The following POLR1A variants were observed in gnomAD, a reference collection of about 807,000 sequenced individuals.
POLR1A encodes the protein RNA polymerase I subunit A.
POLR1A carries 84 observed loss-of-function variants against 205.3 expected under a neutral mutation model. That is an observed-to-expected ratio of 0.41 (90% CI 0.34 to 0.49). The LOEUF (loss-of-function observed/expected upper bound fraction) is 0.49, where lower values mean the gene tolerates loss of function less well. POLR1A is among the 20% of genes least tolerant of loss of function. POLR1A has a pLI of 0.22. For missense variants in POLR1A, 1,645 were observed against 2,204.5 expected (o/e 0.75, Z 5.08); for synonymous variants, 799 against 863.7 (o/e 0.93, Z 1.31).
intron 3 of POLR1A, among the ~76,000 whole-genome samples, chr2:86,091,495 G>A (rs1203216071): frequency 6.6e-6 from 1 of 152,108 alleles, no homozygotes; most frequent in Non-Finnish European, 1.5e-5. Context: ...GGGAAAGGAG[G>A]GAGGGTTTTT....
Position 86,030,254 on chromosome 2 carries a change from T to G in POLR1A, c.4721A>C (p.Lys1574Thr). The change falls in exon 31 of 34, where the codon AAG becomes ACG. Residue 1574 changes from lysine to threonine, a missense_variant. Lys to Thr is a moderately conservative substitution (Grantham distance 78, BLOSUM62 -1). Around this residue, in one of 16 missense-constraint regions of POLR1A, gnomAD observed 394 missense variants for 468.5 expected, o/e 0.84. Transcript: ENST00000263857. Reference sequence around the variant, plus strand: ...TCCTTCTGTGTTTAGCACAAGCTCCTTCTCGTTCTTATTGTTGGTTGTTTC... The same window carrying G: ...TCCTTCTGTGTTTAGCACAAGCTCCGTCTCGTTCTTATTGTTGGTTGTTTC... ...LNETTNNKNE[K>T]ELVLNTEGIN... 1.2e-6 allele frequency: 2 copies of G among 1,614,264 alleles called. No individual in the cohort carries two copies. The highest frequency in any genetic ancestry group is 1.7e-6 in the Non-Finnish European group (2 of 1,180,032).
At chr2:86,105,546 AG>A (rs1271848841) in intron 1 of POLR1A, among the ~76,000 whole-genome samples, 153 bp downstream of exon 1, 3 of 152,202 alleles carry the variant, frequency 2.0e-5, no homozygotes, top group African/African-American at 7.2e-5. Flanking sequence ...ACGCCGGCCC[AG>A]GAACGTTCCC....
At position 86,027,315 on chromosome 2, in the gene POLR1A, T is replaced by C. The variant is rs1230433600; in HGVS notation, c.*108A>G. The C allele has an allele frequency of 3.5e-5, 32 of 905,918 alleles. No individual in the cohort carries two copies. The highest frequency in any genetic ancestry group is 5.9e-5 in the Non-Finnish European group (32 of 542,580). The allele number at this position is 905,918 out of a possible 1,614,324, so 56.1% of individuals were successfully genotyped here. ...CGCTGCTGTGCTCTGTACTGTCACT[T>C]GGAACTGCCCTGGATTCCAGTCTCC... On this transcript the variant is annotated 3_prime_UTR_variant, in exon 34 of 34. Coordinates refer to ENST00000263857, the MANE Select transcript of POLR1A (RefSeq NM_015425.6).
At chr2:86,058,730 T>G (rs980406780) in intron 14 of POLR1A, among the ~76,000 whole-genome samples, 62 of 151,978 alleles carry the variant, frequency 4.1e-4, no homozygotes, top group African/African-American at 1.4e-3. Context: ...GTATTAACCT[T>G]AAAAAAAGTC....
At chr2:86,078,074 T>A in intron 10 of POLR1A, 40 bp downstream of exon 10, 1 of 1,612,370 alleles carries the variant, frequency 6.2e-7, no homozygotes, top group Non-Finnish European at 8.5e-7. Flanking sequence ...TTATTATTTA[T>A]CTTCTGTAGC....
chr2:86,067,004 G>A (rs1469879834), intron 13 of POLR1A, among the ~76,000 whole-genome samples: 1 of 152,052 alleles, frequency 6.6e-6, no homozygotes, highest in Non-Finnish European at 1.5e-5. Flanking sequence ...TTTTCCTTTT[G>A]TTTTTTTCCT....
intron 1 of POLR1A, among the ~76,000 whole-genome samples, chr2:86,104,880 T>A (rs1673892071): frequency 6.6e-6 from 1 of 152,216 alleles, no homozygotes; most frequent in African/African-American, 2.4e-5. Flanking sequence ...TAAATTTGCG[T>A]TGGGGATTTA....
chr2:86,028,091 C>A lies in POLR1A; in HGVS notation c.4898-42G>T, dbSNP rs185794421. On this transcript the variant is annotated intron_variant, in intron 32 of 33. Coordinates refer to ENST00000263857, the MANE Select transcript of POLR1A (RefSeq NM_015425.6). This position sits in a 1 kb window ranked among gnomAD's most constrained non-coding sequence, Gnocchi z 4.5. ...AAAATTAGGAGGGATTAAGCAGTGA[C>A]CACGGGAGCAGTCAGCAGACACAAG... 1,025 of 1,601,812 alleles carry A rather than the reference C, an allele frequency of 6.4e-4. 11 individuals are homozygous for A. The highest frequency in any genetic ancestry group is 1.7e-4 in the Middle Eastern group (1 of 6,024).
chr2:86,092,527 G>C (rs1673625564), intron 3 of POLR1A, among the ~76,000 whole-genome samples: 2 of 151,562 alleles, frequency 1.3e-5, no homozygotes, highest in African/African-American at 4.9e-5. Flanking sequence ...GTTTTAAAGA[G>C]AGAATTATCT....
chr2:86,040,542 T>C lies in POLR1A; in HGVS notation c.3590A>G (p.Gln1197Arg). The C allele has an allele frequency of 6.3e-7, 1 of 1,585,742 alleles. No individual in the cohort carries two copies. Among genetic ancestry groups the C allele is most frequent in the Non-Finnish European group, 8.6e-7 (1 of 1,165,038 alleles). ...LSLDRLRTLL[Q>R]LKWQRSLCEP... ...ACACAGTGAGCGCTGCCACTTCAGC[T>C]GCAGCAAGGTCCTCAACCTAGAGAC... Residue 1197 changes from glutamine (Q) to arginine (R), a missense_variant, in exon 25 of 34, where the codon CAG becomes CGG. Coordinates refer to ENST00000263857, the MANE Select transcript of POLR1A (RefSeq NM_015425.6).
chr2:86,075,957 T>C (rs1013167108), intron 11 of POLR1A, among the ~76,000 whole-genome samples: 1 of 152,186 alleles, frequency 6.6e-6, no homozygotes, highest in Non-Finnish European at 1.5e-5. Flanking sequence ...CAGACATCAC[T>C]AATGCATCAT....
At chr2:86,096,251 T>A (rs959799805) in intron 3 of POLR1A, among the ~76,000 whole-genome samples, 50 of 152,074 alleles carry the variant, frequency 3.3e-4, no homozygotes, top group African/African-American at 9.9e-4. Context: ...CTTGGAAAAC[T>A]GCAAAACAGT....
At chr2:86,041,284 G>C (rs575014795) in intron 24 of POLR1A, among the ~76,000 whole-genome samples, 1 of 147,752 alleles carries the variant, frequency 6.8e-6, no homozygotes, top group South Asian at 2.2e-4. Context: ...TACAGTGTCT[G>C]TGTGTGTGTG....
rs542800045 is a variant in POLR1A, at chr2:86,069,332, C to T, written c.1866+686G>A. Among the ~76,000 whole-genome samples the T allele has an allele frequency of 1.2e-4, 18 of 152,342 alleles. No individual in the cohort carries two copies. In the East Asian group the frequency reaches 1.5e-3, roughly 13 times the overall value. ...TGAGGGTGAAGGAGGCACTGGAACA[C>T]ACTCTGTCTTCTTTCCTGCAGCCTG... is the stretch of plus-strand genomic sequence containing the variant. On this transcript the variant is annotated intron_variant, in intron 13 of 33. Transcript: ENST00000263857.
intron 25 of POLR1A, chr2:86,040,053 C>G: frequency 8.7e-6 from 2 of 231,070 alleles, no homozygotes; most frequent in East Asian, 9.3e-5. Flanking sequence ...AATGGCTCCC[C>G]TGGAGTTGGG....
chr2:86,091,424 A>T (rs1054215330), intron 3 of POLR1A, among the ~76,000 whole-genome samples: 1 of 152,128 alleles, frequency 6.6e-6, no homozygotes, highest in Non-Finnish European at 1.5e-5. Context: ...TCCAGCCCCA[A>T]CAAAGAATTT....
chr2:86,030,774 TCAAAGGAAAGA>T (rs1345236969), intron 30 of POLR1A, among the ~76,000 whole-genome samples: 1 of 152,132 alleles, frequency 6.6e-6, no homozygotes, highest in African/African-American at 2.4e-5. Flanking sequence ...CTGAACTGGA[TCAAAGGAAAGA>T]CAAAGCGTAA....
chr2:86,103,350 C>G (rs1442923466), intron 1 of POLR1A, among the ~76,000 whole-genome samples: 13 of 151,982 alleles, frequency 8.6e-5, no homozygotes, highest in Non-Finnish European at 1.5e-5. Context: ...GCAAGGAGGT[C>G]AGGGTAGCCA....
intron 6 of POLR1A, among the ~76,000 whole-genome samples, chr2:86,083,935 C>A (rs1673448701): frequency 6.6e-6 from 1 of 152,166 alleles, no homozygotes; most frequent in African/African-American, 2.4e-5. Context: ...AGGCTTGGGA[C>A]TGCCATTCAG....
Sources: gnomAD v4.1 joint callset for allele counts (sites outside exome capture counted in the v4.1 genomes callset) on GRCh38, gnomAD v4.1.1 for gene constraint, gnomAD v4.1.1 regional missense constraint, Gnocchi (gnomAD v3.1) non-coding constraint, MANE v1.5 for transcripts, NCBI Gene and HGNC (gene_info 2026-07-23, HGNC 2026-07-21) for gene names.